NKAIN2: variants seen among roughly 807,000 people sequenced by gnomAD.
NKAIN2 encodes sodium/potassium transporting ATPase interacting 2.
A neutral mutation model predicts 32.6 loss-of-function variants in NKAIN2; 14 were observed. The observed-to-expected ratio is 0.43, with a 90% CI of 0.28 to 0.67. NKAIN2 has a LOEUF of 0.67. Among genes scored for constraint, NKAIN2 ranks in the 30% least tolerant of loss-of-function variants. NKAIN2 has a pLI of 0.17. For missense variants in NKAIN2, 198 were observed against 258.3 expected, an observed-to-expected ratio of 0.77 and a Z score of 1.60; for synonymous variants, 80 against 87.2, an observed-to-expected ratio of 0.92 and a Z score of 0.46.
chr6:124,290,493 C>T (rs1373249344), intron 2 of NKAIN2, among the ~76,000 whole-genome samples: 1 of 146,240 alleles, frequency 6.8e-6, no homozygotes, highest in Non-Finnish European at 1.5e-5. Context: ...TATAGTTCTT[C>T]TGGGGTTACC....
intron 1 of NKAIN2, among the ~76,000 whole-genome samples, chr6:123,977,940 A>G (rs1025499271): frequency 6.6e-6 from 1 of 152,136 alleles, no homozygotes; most frequent in African/African-American, 2.4e-5. Context: ...AGTGTAGCTC[A>G]TGTCTTATTG....
intron 5 of NKAIN2, among the ~76,000 whole-genome samples, chr6:124,807,614 G>C (rs538741594): frequency 6.9e-6 from 1 of 145,394 alleles, no homozygotes; most frequent in South Asian, 2.4e-4. Flanking sequence ...TCAAAAGCTA[G>C]CAGAAGGCAA....
chr6:124,130,313 A>G (rs992930900), intron 1 of NKAIN2, among the ~76,000 whole-genome samples: 1 of 152,210 alleles, frequency 6.6e-6, no homozygotes. Flanking sequence ...TGTTCTTTTC[A>G]TCTGAAACAC....
chr6:124,079,300 A>C (rs1783841135), intron 1 of NKAIN2, among the ~76,000 whole-genome samples: 1 of 152,238 alleles, frequency 6.6e-6, no homozygotes, highest in Non-Finnish European at 1.5e-5. Flanking sequence ...CCTGGGCGAC[A>C]GAACGAGACT....
chr6:124,654,130 C>T (rs1784458058), intron 3 of NKAIN2, among the ~76,000 whole-genome samples: 1 of 152,096 alleles, frequency 6.6e-6, no homozygotes, highest in South Asian at 2.1e-4. Context: ...TGAATAATGT[C>T]AACATGAGCA....
chr6:124,480,441 G>T (rs373734913), intron 3 of NKAIN2, among the ~76,000 whole-genome samples: 31 of 152,250 alleles, frequency 2.0e-4, no homozygotes, highest in Middle Eastern at 3.4e-3. Flanking sequence ...AGACGTTAAA[G>T]AGCAGATATC....
At chr6:123,958,337 A>G (rs1777692672) in intron 1 of NKAIN2, among the ~76,000 whole-genome samples, 1 of 152,344 alleles carries the variant, frequency 6.6e-6, no homozygotes, top group African/African-American at 2.4e-5. Context: ...CCTTATCCCC[A>G]TGAAGGCACC....
intron 1 of NKAIN2, among the ~76,000 whole-genome samples, chr6:123,860,118 G>A (rs963506009): frequency 3.3e-5 from 5 of 152,122 alleles, no homozygotes; most frequent in Non-Finnish European, 7.3e-5. Flanking sequence ...TTGAAGCACT[G>A]AAAACACATC....
intron 6 of NKAIN2, among the ~76,000 whole-genome samples, chr6:124,822,101 ATTCTGTTTATTTCTTTTTTATT>A (rs1274140510): frequency 3.3e-5 from 5 of 152,264 alleles, no homozygotes; most frequent in Admixed American, 2.6e-4. Context: ...CCTTTTCTGC[ATTCTGTTTATTTCTTTTTTATT>A]TTACATTACG....
intron 1 of NKAIN2, among the ~76,000 whole-genome samples, chr6:124,028,821 GTATA>G (rs1213879248): frequency 1.5e-5 from 2 of 136,482 alleles, no homozygotes; most frequent in Non-Finnish European, 3.0e-5. Context: ...ACGTATATGT[GTATA>G]TATATACATA....
At chr6:124,392,679 T>C (rs1773194078) in intron 3 of NKAIN2, among the ~76,000 whole-genome samples, 4 of 152,146 alleles carry the variant, frequency 2.6e-5, no homozygotes, top group Admixed American at 2.6e-4. Context: ...AAAAAGTGTA[T>C]TTATGATAGA....
At chr6:124,634,494 A>G (rs190327390) in intron 3 of NKAIN2, among the ~76,000 whole-genome samples, 2 of 152,260 alleles carry the variant, frequency 1.3e-5, no homozygotes, top group Admixed American at 1.3e-4. Flanking sequence ...GACTAGATCA[A>G]GCAATGAAGG....
intron 4 of NKAIN2, among the ~76,000 whole-genome samples, chr6:124,699,637 G>A (rs1260579447): frequency 2.0e-5 from 3 of 152,098 alleles, no homozygotes; most frequent in African/African-American, 7.2e-5. Context: ...TCTTGCTGCT[G>A]CTCCAGCCAT....
chr6:123,961,411 A>C (rs1348965402), intron 1 of NKAIN2, among the ~76,000 whole-genome samples: 1 of 152,224 alleles, frequency 6.6e-6, no homozygotes, highest in Non-Finnish European at 1.5e-5. Context: ...CAATCAAAGC[A>C]CAATTGCCAG....
At chr6:123,809,426 T>C (rs1266959692) in intron 1 of NKAIN2, among the ~76,000 whole-genome samples, 1 of 152,116 alleles carries the variant, frequency 6.6e-6, no homozygotes, top group East Asian at 1.9e-4. Flanking sequence ...GCATTTGTTC[T>C]TACCATTCCC....
At chr6:123,864,130 A>G (rs1397278539) in intron 1 of NKAIN2, among the ~76,000 whole-genome samples, 1 of 152,176 alleles carries the variant, frequency 6.6e-6, no homozygotes, top group Non-Finnish European at 1.5e-5. Flanking sequence ...TGAAAGCATG[A>G]GAAAGCTATA....
chr6:124,099,361 A>G (rs980374597), intron 1 of NKAIN2, among the ~76,000 whole-genome samples: 8 of 152,174 alleles, frequency 5.3e-5, no homozygotes, highest in Admixed American at 1.3e-4. Context: ...GATGTTAAAA[A>G]TGTAATTTGA....
intron 3 of NKAIN2, among the ~76,000 whole-genome samples, chr6:124,591,509 C>G (rs765380283): frequency 4.6e-5 from 7 of 152,078 alleles, no homozygotes; most frequent in Non-Finnish European, 1.0e-4. Context: ...CCTTTGCTTC[C>G]AATGCCATTG....
intron 1 of NKAIN2, among the ~76,000 whole-genome samples, chr6:124,087,637 G>T (rs769252653): frequency 6.6e-6 from 1 of 152,012 alleles, no homozygotes; most frequent in East Asian, 1.9e-4. Context: ...GGGAACTCTG[G>T]TTTTTGTTCA....
Sources: gnomAD v4.1 joint callset for allele counts (sites outside exome capture counted in the v4.1 genomes callset) on GRCh38, gnomAD v4.1.1 for gene constraint, MANE v1.5 for transcripts, NCBI Gene and HGNC (gene_info 2026-07-23, HGNC 2026-07-21) for gene names.